Variants in PTPRD observed in about 807,000 individuals in gnomAD.
PTPRD encodes the protein receptor-type tyrosine-protein phosphatase delta.
Under a neutral mutation model 214.5 loss-of-function variants are expected in PTPRD, and 34 were observed. That is an observed-to-expected ratio of 0.16 (90% CI 0.12 to 0.21). The LOEUF (loss-of-function observed/expected upper bound fraction) is 0.21, where lower values mean the gene tolerates loss of function less well. Among genes scored for constraint, PTPRD ranks in the 10% least tolerant of loss-of-function variants. PTPRD has a pLI of 1.00. For missense variants in PTPRD, 2,545 were observed against 2,398.7 expected (o/e 1.06, Z -1.27); for synonymous variants, 1,128 against 845.7 (o/e 1.33, Z -5.79).
intron 2 of PTPRD, among the ~76,000 whole-genome samples, chr9:10,512,186 G>GAAGAT (rs79401803): frequency 0.99 from 149,241 of 150,890 alleles, 73,825 homozygotes; most frequent in Non-Finnish European, 1. Flanking sequence ...TACAAAAAAA[G>GAAGAT]CTTATTTACC....
rs372449436 is a variant in PTPRD at position 10,343,891 on chromosome 9, T to C, written c.-599-2874A>G. Reference sequence around the variant, plus strand: ...CTTGTAAATTTGTTTGAGCTCTTCGTAGATTCTGGATATTAGCTCTTTGTC... The same window carrying C: ...CTTGTAAATTTGTTTGAGCTCTTCGCAGATTCTGGATATTAGCTCTTTGTC... On this transcript the variant is annotated intron_variant, in intron 2 of 45. Coordinates refer to ENST00000381196, the MANE Select transcript of PTPRD (RefSeq NM_002839.4). Among the ~76,000 whole-genome samples, 116 of 152,012 alleles carry C rather than the reference T, an allele frequency of 7.6e-4. 2 individuals carry two copies. The South Asian group carries it at 0.021, about 28-fold the overall frequency.
At chr9:10,560,423 G>C (rs963001980) in intron 2 of PTPRD, among the ~76,000 whole-genome samples, 1 of 151,976 alleles carries the variant, frequency 6.6e-6, no homozygotes, top group South Asian at 2.1e-4. Flanking sequence ...TGGGGGGAGT[G>C]GGGAGGGATA....
chr9:9,132,555 A>G (rs554167906), intron 10 of PTPRD, among the ~76,000 whole-genome samples: 33 of 152,332 alleles, frequency 2.2e-4, no homozygotes, highest in Non-Finnish European at 4.1e-4. Context: ...TCTTTATTTC[A>G]AAGGAATTAT....
chr9:9,844,435 G>A (rs964699536), intron 5 of PTPRD, among the ~76,000 whole-genome samples: 7 of 151,914 alleles, frequency 4.6e-5, no homozygotes, highest in African/African-American at 1.7e-4. Flanking sequence ...GGCTGCCCGG[G>A]CTGAGGTGTG....
intron 9 of PTPRD, among the ~76,000 whole-genome samples, chr9:9,207,656 C>A (rs1006224395): frequency 6.6e-6 from 1 of 152,002 alleles, no homozygotes. Flanking sequence ...CAACATCTAG[C>A]CAAATTAAAT....
intron 5 of PTPRD, among the ~76,000 whole-genome samples, chr9:9,809,183 CT>C (rs987429094): frequency 1.3e-5 from 2 of 151,446 alleles, no homozygotes; most frequent in Admixed American, 6.6e-5. Flanking sequence ...GTTTGTAGGC[CT>C]TTTTTTCTGT....
At chr9:8,743,517 G>A (rs1461455170) in intron 11 of PTPRD, among the ~76,000 whole-genome samples, 1 of 152,136 alleles carries the variant, frequency 6.6e-6, no homozygotes, top group Non-Finnish European at 1.5e-5. Context: ...TAGTGGAACG[G>A]TGAAAGGCTG....
intron 11 of PTPRD, among the ~76,000 whole-genome samples, chr9:8,928,552 G>A (rs1356507929): frequency 1.3e-5 from 2 of 149,746 alleles, no homozygotes; most frequent in Admixed American, 1.3e-4. Context: ...GTTCTGGTCC[G>A]TTGGTCTATA....
intron 39 of PTPRD, among the ~76,000 whole-genome samples, chr9:8,349,802 C>T (rs2074924122): frequency 6.6e-6 from 1 of 152,188 alleles, no homozygotes; most frequent in Non-Finnish European, 1.5e-5. Context: ...ATGTTGGTCT[C>T]TGTTATCCCT....
At chr9:9,997,838 C>G (rs2096181476) in intron 4 of PTPRD, among the ~76,000 whole-genome samples, 1 of 94,340 alleles carries the variant, frequency 1.1e-5, no homozygotes, top group African/African-American at 3.2e-5. Flanking sequence ...CCACATATGC[C>G]AGGCATCATG....
chr9:9,866,942 C>A, intron 5 of PTPRD, among the ~76,000 whole-genome samples: 1 of 152,038 alleles, frequency 6.6e-6, no homozygotes, highest in Non-Finnish European at 1.5e-5. Flanking sequence ...GTAAGTACAG[C>A]TTATACTAAT....
chr9:8,578,383 ATTAAACAGAGTT>A (rs2092694701), intron 14 of PTPRD, among the ~76,000 whole-genome samples: 2 of 148,506 alleles, frequency 1.3e-5, no homozygotes, highest in South Asian at 4.3e-4. Flanking sequence ...TAGTCTATTT[ATTAAACAGAGTT>A]TAATGTTTGC....
At chr9:10,328,533 G>A (rs2096688826) in intron 3 of PTPRD, among the ~76,000 whole-genome samples, 1 of 151,752 alleles carries the variant, frequency 6.6e-6, no homozygotes, top group South Asian at 2.1e-4. Flanking sequence ...CAAACACATG[G>A]AGAAACAAAG....
rs183200242 is a variant in PTPRD, at chr9:9,818,773, G to T, written c.-367-51922C>A. ...TCTACTAAAAATACAAAAAGTAGCT[G>T]GGTGTAGTGGTGTGCGCCTGTAATC... On this transcript the variant is annotated intron_variant, in intron 5 of 45. Coordinates refer to ENST00000381196, the MANE Select transcript of PTPRD (RefSeq NM_002839.4). 5.3e-5 allele frequency among the ~76,000 whole-genome samples: 8 copies of T among 151,986 alleles called. No individual in the cohort carries two copies. The East Asian group carries it at 1.6e-3, about 30-fold the overall frequency.
At chr9:9,209,410 A>G (rs1461648673) in intron 9 of PTPRD, among the ~76,000 whole-genome samples, 2 of 152,224 alleles carry the variant, frequency 1.3e-5, no homozygotes, top group African/African-American at 4.8e-5. Flanking sequence ...ATCTGGATTC[A>G]GATACAAGTA....
At chr9:9,230,570 T>C (rs1465607660) in intron 9 of PTPRD, among the ~76,000 whole-genome samples, 1 of 152,126 alleles carries the variant, frequency 6.6e-6, no homozygotes, top group Admixed American at 6.6e-5. Flanking sequence ...AGTGTTGTGA[T>C]ACTAAGCCTT....
intron 35 of PTPRD, among the ~76,000 whole-genome samples, chr9:8,420,793 GATC>G (rs2094302979): frequency 6.7e-6 from 1 of 148,674 alleles, no homozygotes; most frequent in Non-Finnish European, 1.5e-5. Flanking sequence ...GAATACTACA[GATC>G]ATTTTTCTTT....
intron 11 of PTPRD, among the ~76,000 whole-genome samples, chr9:8,904,683 A>C (rs1440956779): frequency 6.6e-6 from 1 of 151,830 alleles, no homozygotes; most frequent in East Asian, 1.9e-4. Flanking sequence ...AAAAAAAAAA[A>C]AGCTACACAT....
chr9:9,620,218 A>C (rs2095161390), intron 7 of PTPRD, among the ~76,000 whole-genome samples: 1 of 152,110 alleles, frequency 6.6e-6, no homozygotes, highest in African/African-American at 2.4e-5. Flanking sequence ...CTAATGTTGA[A>C]ATTGCAGAGA....
Sources: gnomAD v4.1 joint callset for allele counts (sites outside exome capture counted in the v4.1 genomes callset) on GRCh38, gnomAD v4.1.1 for gene constraint, MANE v1.5 for transcripts, NCBI Gene and HGNC (gene_info 2026-07-23, HGNC 2026-07-21) for gene names.